ARL13A: variants seen among roughly 807,000 people sequenced by gnomAD.
The protein encoded by ARL13A is ARF like GTPase 13A.
ARL13A carries 16 observed loss-of-function variants against 19.1 expected under a neutral mutation model. The observed-to-expected ratio is 0.84, with a 90% CI of 0.57 to 1.27. The LOEUF (loss-of-function observed/expected upper bound fraction) is 1.27, where lower values mean the gene tolerates loss of function less well. Among genes scored for constraint, ARL13A ranks in the 50% most tolerant of loss-of-function variants. ARL13A has a pLI of 0.00. For synonymous variants in ARL13A, 69 were observed against 71.3 expected, an observed-to-expected ratio of 0.97 and a Z score of 0.17; for missense variants, 153 against 186.4, an observed-to-expected ratio of 0.82 and a Z score of 1.04.
chrX:100,985,627 G>C (rs770001732), intron 3 of ARL13A, 40 bp from the exon 4 acceptor site: 1 of 1,174,819 alleles, frequency 8.5e-7, no homozygotes, highest in East Asian at 3.0e-5. Flanking sequence ...ATGGAGTTTC[G>C]ATCTAAGTGA....
intron 3 of ARL13A, among the ~76,000 whole-genome samples, chrX:100,982,422 G>A (rs762825361): frequency 2.7e-5 from 3 of 110,211 alleles, no homozygotes; most frequent in South Asian, 7.7e-4. Flanking sequence ...AACTCGGGAG[G>A]CAAAGGGTGT....
At chrX:100,982,264 G>A (rs2147970479) in intron 3 of ARL13A, among the ~76,000 whole-genome samples, 1 of 110,966 alleles carries the variant, frequency 9.0e-6, no homozygotes, top group Non-Finnish European at 1.9e-5. Flanking sequence ...GCCAAGGCGG[G>A]TGGATCACCT....
intron 3 of ARL13A, among the ~76,000 whole-genome samples, chrX:100,985,033 G>C (rs1369805160): frequency 8.9e-6 from 1 of 112,243 alleles, no homozygotes; most frequent in Non-Finnish European, 1.9e-5. Context: ...TCAGAAGAAA[G>C]GTACCTTATC....
At chrX:100,970,266 G>A (rs939546521) in intron 1 of ARL13A, among the ~76,000 whole-genome samples, 3 of 112,592 alleles carry the variant, frequency 2.7e-5, no homozygotes, top group African/African-American at 3.2e-5. Flanking sequence ...GCATAAGCCA[G>A]AGCCATTCTC....
chrX:100,988,136 A>G, intron 6 of ARL13A, 57 bp from the exon 7 acceptor site: 1 of 982,466 alleles, frequency 1.0e-6, no homozygotes, highest in Non-Finnish European at 1.4e-6. Flanking sequence ...TGCATTAGAT[A>G]AAGAAGCTTG....
At chrX:100,987,927 A>G (rs944598562) in intron 6 of ARL13A, among the ~76,000 whole-genome samples, 1 of 112,009 alleles carries the variant, frequency 8.9e-6, no homozygotes, top group African/African-American at 3.2e-5. Context: ...CCATGAACCT[A>G]CTCAATATTC....
chrX:100,972,378 C>T (rs2085669139), intron 1 of ARL13A, among the ~76,000 whole-genome samples: 1 of 100,598 alleles, frequency 9.9e-6, no homozygotes, highest in East Asian at 3.4e-4. Flanking sequence ...CAACCTCCCT[C>T]CCGGACGGGG....
At chrX:100,981,489 G>A (rs2085853988) in intron 3 of ARL13A, among the ~76,000 whole-genome samples, 1 of 110,082 alleles carries the variant, frequency 9.1e-6, no homozygotes, top group Non-Finnish European at 1.9e-5. Flanking sequence ...ACCCTCTTCA[G>A]TGCCTCTTTC....
chrX:100,986,108 G>A (rs1171168133), intron 4 of ARL13A, among the ~76,000 whole-genome samples, 192 bp downstream of exon 4: 2 of 111,258 alleles, frequency 1.8e-5, no homozygotes, highest in Non-Finnish European at 3.8e-5. Flanking sequence ...CTGCCATGGG[G>A]GACAAGTTAC....
chrX:100,989,935 G>C (rs1373578047), intron 7 of ARL13A, among the ~76,000 whole-genome samples: 1 of 112,910 alleles, frequency 8.9e-6, no homozygotes, highest in Non-Finnish European at 1.9e-5. Flanking sequence ...GCAGAGAGTA[G>C]AGCGGAAGGA....
chrX:100,985,094 C>G (rs2085917202), intron 3 of ARL13A, among the ~76,000 whole-genome samples: 1 of 111,704 alleles, frequency 9.0e-6, no homozygotes, highest in African/African-American at 3.3e-5. Flanking sequence ...TCAAAATTGA[C>G]ATTTTAAAAA....
At chrX:100,971,032 C>T (rs2085643291) in intron 1 of ARL13A, among the ~76,000 whole-genome samples, 1 of 111,024 alleles carries the variant, frequency 9.0e-6, no homozygotes, top group Non-Finnish European at 1.9e-5. Flanking sequence ...TTTATAGCAG[C>T]ATTATTCATA....
intron 3 of ARL13A, 51 bp from the exon 4 acceptor site, chrX:100,985,616 T>G (rs1053962351): frequency 8.6e-7 from 1 of 1,166,589 alleles, no homozygotes; most frequent in African/African-American, 1.8e-5. Flanking sequence ...GTTAGATGAG[T>G]ATGGAGTTTC....
At chrX:100,976,149 G>A (rs750113931) in intron 3 of ARL13A, among the ~76,000 whole-genome samples, 2 of 109,669 alleles carry the variant, frequency 1.8e-5, no homozygotes, top group African/African-American at 6.6e-5. Flanking sequence ...ATTGAAAAAC[G>A]TGGGGATAAT....
intron 3 of ARL13A, among the ~76,000 whole-genome samples, chrX:100,977,321 C>T (rs982630622): frequency 9.2e-6 from 1 of 109,086 alleles, no homozygotes; most frequent in African/African-American, 3.4e-5. Context: ...CCCATTCCCT[C>T]CCCTCACTAT....
Position 100,985,786 on chromosome X carries a change from AACT to A in ARL13A, c.255_257del (p.Tyr86del), listed in dbSNP as rs2085927197. 3.3e-6 allele frequency: 4 copies of A among 1,209,744 alleles called. No homozygotes were observed. The highest frequency in any genetic ancestry group is 4.5e-6 in the Non-Finnish European group (4 of 895,171). ...CCTGAAGGGCCGGGAAGCATGGCCA[AACT>A]ACTATGCACAGGCCCATGGGCTTGT... On this transcript the variant is annotated inframe_deletion, in exon 4 of 8. Transcript: ENST00000450049.
intron 5 of ARL13A, among the ~76,000 whole-genome samples, chrX:100,987,128 C>CCAAGGCT (rs1276006210): frequency 8.9e-6 from 1 of 111,992 alleles, no homozygotes; most frequent in Non-Finnish European, 1.9e-5. Flanking sequence ...GATAAAAAAG[C>CCAAGGCT]CAAGGCTCAG....
intron 3 of ARL13A, among the ~76,000 whole-genome samples, chrX:100,975,379 C>T (rs373358127): frequency 1.8e-5 from 2 of 111,756 alleles, no homozygotes; most frequent in African/African-American, 6.5e-5. Flanking sequence ...CCTATCAGTG[C>T]CCTCCTTCCT....
At chrX:100,979,472 T>C (rs1355780679) in intron 3 of ARL13A, among the ~76,000 whole-genome samples, 1 of 112,346 alleles carries the variant, frequency 8.9e-6, no homozygotes, top group African/African-American at 3.2e-5. Flanking sequence ...TTTCAATCTT[T>C]GTTAAACTTA....
Sources: gnomAD v4.1 joint callset for allele counts (sites outside exome capture counted in the v4.1 genomes callset) on GRCh38, gnomAD v4.1.1 for gene constraint, MANE v1.5 for transcripts, NCBI Gene and HGNC (gene_info 2026-07-23, HGNC 2026-07-21) for gene names.